The following KCNAB1 variants were observed in gnomAD, a reference collection of about 807,000 sequenced individuals.
KCNAB1 encodes the protein voltage-gated potassium channel subunit beta-1.
A neutral mutation model predicts 64.6 loss-of-function variants in KCNAB1; 35 were observed. The ratio of observed to expected loss-of-function variants is 0.54; its 90% CI spans 0.41 to 0.72. KCNAB1 has a LOEUF of 0.72. Among genes scored for constraint, KCNAB1 ranks in the 30% least tolerant of loss-of-function variants. KCNAB1 has a pLI of 0.00. For missense variants in KCNAB1, 401 were observed against 512.9 expected (o/e 0.78, Z 2.11); for synonymous variants, 177 against 183.8 (o/e 0.96, Z 0.30).
intron 2 of KCNAB1, among the ~76,000 whole-genome samples, chr3:156,423,848 G>T (rs1576846700): frequency 6.6e-6 from 1 of 152,136 alleles, no homozygotes; most frequent in African/African-American, 2.4e-5. Flanking sequence ...TAAAATGAGG[G>T]AGCTGAGGGA....
rs147930395 is a variant in KCNAB1 at position 156,342,105 on chromosome 3, T to C, written c.276-79511T>C. 2.3e-3 allele frequency among the ~76,000 whole-genome samples: 353 copies of C among 152,326 alleles called. 4 individuals carry two copies. The highest frequency in any genetic ancestry group is 8.0e-3 in the African/African-American group (334 of 41,566). On this transcript the variant is annotated intron_variant, in intron 1 of 13. Coordinates refer to ENST00000490337, the MANE Select transcript of KCNAB1 (RefSeq NM_172160.3). ...CATTGTGGATGCCACTTGGAATGCC[T>C]GATGCCTTCAATAATATTCTGTCCC...
At chr3:156,215,336 C>A (rs957275900) in intron 1 of KCNAB1, among the ~76,000 whole-genome samples, 1 of 152,200 alleles carries the variant, frequency 6.6e-6, no homozygotes, top group Non-Finnish European at 1.5e-5. Context: ...CATGTAATGA[C>A]CTCCTAGTAT....
rs550949521 is a variant in KCNAB1, at chr3:156,518,189, T to C, written c.960+1825T>C. On this transcript the variant is annotated intron_variant, in intron 11 of 13. Coordinates refer to ENST00000490337, the MANE Select transcript of KCNAB1 (RefSeq NM_172160.3). ...GGGAAATATTTCTATTGGTGACTTT[T>C]ATAAAGTCAACTCTGTATCTACTGG... 2.3e-4 allele frequency among the ~76,000 whole-genome samples: 35 copies of C among 152,358 alleles called. No homozygotes were observed. In the South Asian group the frequency reaches 7.0e-3, roughly 31 times the overall value.
At chr3:156,407,594 T>A (rs139341095) in intron 1 of KCNAB1, among the ~76,000 whole-genome samples, 1 of 152,350 alleles carries the variant, frequency 6.6e-6, no homozygotes, top group East Asian at 1.9e-4. Context: ...CTTTTAAAGT[T>A]TATGTCCTTA....
At chr3:156,505,647 C>T (rs2108375811) in intron 8 of KCNAB1, among the ~76,000 whole-genome samples, 1 of 151,928 alleles carries the variant, frequency 6.6e-6, no homozygotes, top group East Asian at 1.9e-4. Context: ...TGTATTATGC[C>T]ATTTTTGCAT....
intron 7 of KCNAB1, among the ~76,000 whole-genome samples, chr3:156,473,220 G>A (rs1714064960): frequency 6.6e-6 from 1 of 152,140 alleles, no homozygotes; most frequent in Non-Finnish European, 1.5e-5. Flanking sequence ...AGCTCTCCCA[G>A]GAGCAGCAAT....
chr3:156,517,934 A>G (rs1336077016), intron 11 of KCNAB1, among the ~76,000 whole-genome samples: 1 of 152,210 alleles, frequency 6.6e-6, no homozygotes, highest in Non-Finnish European at 1.5e-5. Context: ...CCTGGCTCTC[A>G]AGTTAATTGC....
chr3:156,193,980 A>G (rs2108365230), intron 1 of KCNAB1, among the ~76,000 whole-genome samples: 1 of 152,340 alleles, frequency 6.6e-6, no homozygotes, highest in East Asian at 1.9e-4. Context: ...CTTTCAAGTG[A>G]TAATACACCA....
chr3:156,422,970 G>T (rs1271039260), intron 2 of KCNAB1, among the ~76,000 whole-genome samples: 1 of 152,194 alleles, frequency 6.6e-6, no homozygotes, highest in East Asian at 1.9e-4. Flanking sequence ...GTCAAGTGGT[G>T]CTCATGCATC....
chr3:156,272,446 C>T (rs1719089497), intron 1 of KCNAB1, among the ~76,000 whole-genome samples: 1 of 152,110 alleles, frequency 6.6e-6, no homozygotes, highest in Non-Finnish European at 1.5e-5. Flanking sequence ...CAACTCTTCC[C>T]TCCCCTTTCC....
At chr3:156,524,746 CAAAAAAAAAAAAA>C (rs10553136) in intron 12 of KCNAB1, among the ~76,000 whole-genome samples, 9 of 74,458 alleles carry the variant, frequency 1.2e-4, no homozygotes, top group South Asian at 6.6e-4. Context: ...GACTCCATCT[CAAAAAAAAAAAAA>C]AAAAAAAAAA....
intron 7 of KCNAB1, among the ~76,000 whole-genome samples, chr3:156,471,730 G>A (rs929895763): frequency 4.6e-5 from 7 of 152,182 alleles, no homozygotes; most frequent in Admixed American, 3.9e-4. Flanking sequence ...ATGATGACTT[G>A]TTTTTTGAAA....
intron 1 of KCNAB1, among the ~76,000 whole-genome samples, chr3:156,217,582 T>A (rs1715406080): frequency 6.6e-6 from 1 of 152,238 alleles, no homozygotes; most frequent in African/African-American, 2.4e-5. Context: ...AACTCTTTTC[T>A]TACTTGAGTT....
chr3:156,165,460 T>C (rs1711522020), intron 1 of KCNAB1, among the ~76,000 whole-genome samples: 1 of 152,146 alleles, frequency 6.6e-6, no homozygotes, highest in African/African-American at 2.4e-5. Context: ...GGTCTTGCTC[T>C]GTGCTCAGTC....
chr3:156,272,213 C>T (rs778634984), intron 1 of KCNAB1, among the ~76,000 whole-genome samples: 30 of 152,200 alleles, frequency 2.0e-4, no homozygotes, highest in Admixed American at 5.2e-4. Context: ...CTGGCTATTG[C>T]CTATGTTTGG....
chr3:156,276,638 C>A (rs1293317350), intron 1 of KCNAB1, among the ~76,000 whole-genome samples: 3 of 152,154 alleles, frequency 2.0e-5, no homozygotes, highest in African/African-American at 7.2e-5. Context: ...TCACCTTGCA[C>A]TTTTATGTTA....
chr3:156,402,917 A>G (rs1027809207), intron 1 of KCNAB1, among the ~76,000 whole-genome samples: 8 of 152,198 alleles, frequency 5.3e-5, no homozygotes, highest in Non-Finnish European at 1.0e-4. Flanking sequence ...AAAATAGTCT[A>G]GAGTTTTATT....
In KCNAB1 at chr3:156,387,004, T is replaced by TTCTC. The variant is rs1306718735; in HGVS notation, c.276-34604_276-34601dup. On this transcript the variant is annotated intron_variant, in intron 1 of 13. Coordinates refer to ENST00000490337, the MANE Select transcript of KCNAB1 (RefSeq NM_172160.3). ...GCTTGCTTTCTCTTGCTTGCTTGCTTTCTCTCTCTCTTTTTTTTTTTTTTT... is the reference window on the plus strand; with the variant it reads ...GCTTGCTTTCTCTTGCTTGCTTGCTTTCTCTCTCTCTCTCTTTTTTTTTTTTTTT... Among the ~76,000 whole-genome samples, 121 of 131,672 alleles carry TTCTC rather than the reference T, an allele frequency of 9.2e-4. 1 individual carries two copies. The highest frequency in any genetic ancestry group is 3.6e-3 in the African/African-American group (106 of 29,298). 86.4% of individuals were successfully genotyped at this position (131,672 alleles called of 152,430 possible). A position where few individuals can be genotyped will look rare whatever the true frequency, so the allele number is the denominator to read the frequency against.
chr3:156,159,224 C>G (rs746795476), intron 1 of KCNAB1, among the ~76,000 whole-genome samples: 3 of 152,072 alleles, frequency 2.0e-5, no homozygotes, highest in Non-Finnish European at 2.9e-5. Flanking sequence ...GTTTCTATTT[C>G]TTGAGCTTTG....
Sources: allele counts gnomAD v4.1 joint callset (sites outside exome capture counted in the v4.1 genomes callset), GRCh38; gene constraint gnomAD v4.1.1; transcripts MANE v1.5; gene names NCBI Gene and HGNC (gene_info 2026-07-23, HGNC 2026-07-21).